NTM: variants seen among roughly 807,000 people sequenced by gnomAD.
NTM encodes neurotrimin, also known as IgLON family member 2.
Under a neutral mutation model 42.1 loss-of-function variants are expected in NTM, and 13 were observed. The observed-to-expected ratio is 0.31, with a 90% CI of 0.20 to 0.49. The LOEUF (loss-of-function observed/expected upper bound fraction) is 0.49. NTM is among the 20% of genes least tolerant of loss of function. The pLI is 0.99. For missense variants in NTM, 373 were observed against 452.8 expected (o/e 0.82, Z 1.60); for synonymous variants, 187 against 179.2 (o/e 1.04, Z -0.35).
intron 4 of NTM, among the ~76,000 whole-genome samples, chr11:132,216,242 A>G (rs1447402856): frequency 6.6e-6 from 1 of 152,242 alleles, no homozygotes; most frequent in Non-Finnish European, 1.5e-5. Flanking sequence ...CACTCTTCAT[A>G]GAAAAGCATT....
intron 1 of NTM, among the ~76,000 whole-genome samples, chr11:131,706,649 TG>T (rs2076620388): frequency 6.6e-6 from 1 of 152,004 alleles, no homozygotes; most frequent in Admixed American, 6.5e-5. Context: ...ATAACCATAA[TG>T]GTATGAAACT....
chr11:131,911,330 C>T, intron 1 of NTM: 2 of 1,480,110 alleles, frequency 1.4e-6, no homozygotes, highest in Non-Finnish European at 1.8e-6. Context: ...TCGGAGGAGT[C>T]TGCGCGCTTT....
At chr11:131,922,900 C>T (rs1275866424) in intron 2 of NTM, among the ~76,000 whole-genome samples, 1 of 152,200 alleles carries the variant, frequency 6.6e-6, no homozygotes, top group African/African-American at 2.4e-5. Context: ...GTCGCTGCTG[C>T]CTCGCTCGTG....
At chr11:131,396,321 G>A (rs745664895) in intron 1 of NTM, among the ~76,000 whole-genome samples, 1 of 152,048 alleles carries the variant, frequency 6.6e-6, no homozygotes, top group Non-Finnish European at 1.5e-5. Flanking sequence ...TTTTAAAACC[G>A]ATCTCAGTGC....
intron 1 of NTM, among the ~76,000 whole-genome samples, chr11:131,808,131 A>G (rs967215304): frequency 9.9e-5 from 15 of 152,180 alleles, no homozygotes; most frequent in African/African-American, 3.1e-4. Flanking sequence ...TCTAGGACTC[A>G]CTTTACTTAT....
chr11:132,026,996 G>T (rs1487024766), intron 2 of NTM, among the ~76,000 whole-genome samples: 1 of 152,164 alleles, frequency 6.6e-6, no homozygotes, highest in Non-Finnish European at 1.5e-5. Context: ...CTACGCTACT[G>T]CTTCCTGAAT....
At chr11:131,448,554 G>A (rs1950242057) in intron 1 of NTM, among the ~76,000 whole-genome samples, 1 of 152,242 alleles carries the variant, frequency 6.6e-6, no homozygotes, top group Non-Finnish European at 1.5e-5. Context: ...TCTCATTCAT[G>A]AGAAAACCAG....
chr11:131,438,252 A>T (rs1051249154), intron 1 of NTM, among the ~76,000 whole-genome samples: 2 of 152,006 alleles, frequency 1.3e-5, no homozygotes, highest in African/African-American at 4.8e-5. Context: ...TCTGACAATT[A>T]TGTGTCTTGG....
intron 2 of NTM, among the ~76,000 whole-genome samples, chr11:132,103,284 C>G (rs1591528047): frequency 1.3e-5 from 2 of 152,314 alleles, no homozygotes; most frequent in South Asian, 4.1e-4. Flanking sequence ...TTGGGGTCCA[C>G]GGTGGCTCCA....
chr11:131,851,862 A>C (rs1230044015), intron 1 of NTM, among the ~76,000 whole-genome samples: 2 of 152,192 alleles, frequency 1.3e-5, no homozygotes, highest in African/African-American at 2.4e-5. Context: ...AAGATAGAGA[A>C]GAAGGAGAAA....
Position 131,393,695 on chromosome 11 carries a change from G to A in NTM, c.82+22807G>A, listed in dbSNP as rs1340870397. On this transcript the variant is annotated intron_variant, in intron 1 of 8. Coordinates refer to ENST00000683400, the MANE Select transcript of NTM (RefSeq NM_001352005.2). The stretch of plus-strand genomic sequence containing the variant: ...CTTTGGCCCATGCCTCTCTCTCTCC[G>A]CCCCTCCTTCCTTCCCTCTTTCCCC... Among the ~76,000 whole-genome samples the A allele has an allele frequency of 3.3e-5, 5 of 152,212 alleles. No individual in the cohort carries two copies. In the East Asian group the frequency reaches 5.8e-4, roughly 18 times the overall value.
chr11:131,396,612 T>A (rs981640981), intron 1 of NTM, among the ~76,000 whole-genome samples: 14 of 152,090 alleles, frequency 9.2e-5, no homozygotes, highest in Non-Finnish European at 1.9e-4. Flanking sequence ...GGCAGGTGGA[T>A]TACTTGAGGT....
chr11:131,972,156 T>G (rs2063653475), intron 2 of NTM, among the ~76,000 whole-genome samples: 1 of 151,734 alleles, frequency 6.6e-6, no homozygotes, highest in Admixed American at 6.6e-5. Flanking sequence ...GAGGTTGCAA[T>G]GAGCTGTGAT....
At chr11:131,817,708 T>C (rs1048886385) in intron 1 of NTM, among the ~76,000 whole-genome samples, 2 of 152,198 alleles carry the variant, frequency 1.3e-5, no homozygotes, top group Non-Finnish European at 2.9e-5. Flanking sequence ...CTGCTCCACC[T>C]CCTTCCACCC....
At chr11:131,903,303 T>A (rs1388465610) in intron 1 of NTM, among the ~76,000 whole-genome samples, 1 of 152,252 alleles carries the variant, frequency 6.6e-6, no homozygotes, top group African/African-American at 2.4e-5. Flanking sequence ...TAGATAGCCA[T>A]GTCCCAGCTA....
intron 2 of NTM, among the ~76,000 whole-genome samples, chr11:132,019,645 C>G (rs80175827): frequency 0.05 from 7,572 of 151,828 alleles, 259 homozygotes; most frequent in Non-Finnish European, 0.074. Flanking sequence ...AATTTACATG[C>G]CTTCTTTCTT....
chr11:131,454,297 C>T (rs914857242), intron 1 of NTM, among the ~76,000 whole-genome samples: 3 of 152,256 alleles, frequency 2.0e-5, no homozygotes, highest in African/African-American at 7.2e-5. Context: ...ACATATTAAC[C>T]TATGTGGGGT....
intron 1 of NTM, among the ~76,000 whole-genome samples, chr11:131,783,249 G>T (rs1467540191): frequency 3.9e-5 from 6 of 152,020 alleles, no homozygotes; most frequent in African/African-American, 1.4e-4. Flanking sequence ...AAAATATTTA[G>T]AAATGAATTT....
chr11:132,034,819 C>T (rs2076324117), intron 2 of NTM, among the ~76,000 whole-genome samples: 1 of 152,212 alleles, frequency 6.6e-6, no homozygotes, highest in African/African-American at 2.4e-5. Context: ...TTGATGACCA[C>T]AGTTCTCCAG....
Sources: gnomAD v4.1 joint callset for allele counts (sites outside exome capture counted in the v4.1 genomes callset) on GRCh38, gnomAD v4.1.1 for gene constraint, MANE v1.5 for transcripts, NCBI Gene and HGNC (gene_info 2026-07-23, HGNC 2026-07-21) for gene names.